PCNX2: variants seen among roughly 807,000 people sequenced by gnomAD.
PCNX2 encodes the protein pecanex 2.
Under a neutral mutation model 223.8 loss-of-function variants are expected in PCNX2, and 168 were observed. That is an observed-to-expected ratio of 0.75 (90% CI 0.66 to 0.85). The LOEUF (loss-of-function observed/expected upper bound fraction) is 0.85. Among genes scored for constraint, PCNX2 ranks in the 40% least tolerant of loss-of-function variants. The pLI is 0.00. For synonymous variants in PCNX2, 1,006 were observed against 1,052.6 expected, an observed-to-expected ratio of 0.96 and a Z score of 0.86; for missense variants, 2,507 against 2,675.5, an observed-to-expected ratio of 0.94 and a Z score of 1.39.
intron 1 of PCNX2, among the ~76,000 whole-genome samples, chr1:233,275,716 C>T (rs967963697): frequency 6.6e-6 from 1 of 152,022 alleles, no homozygotes; most frequent in African/African-American, 2.4e-5. Context: ...CCCCCATGTA[C>T]ATAGCAGCAT....
intron 10 of PCNX2, among the ~76,000 whole-genome samples, chr1:233,223,499 G>GT (rs1487427516): frequency 6.6e-6 from 1 of 152,122 alleles, no homozygotes; most frequent in Non-Finnish European, 1.5e-5. Context: ...GAACGTGCAG[G>GT]TTTTTTACAT....
At chr1:233,233,670 G>A (rs923269104) in intron 9 of PCNX2, among the ~76,000 whole-genome samples, 1 of 152,034 alleles carries the variant, frequency 6.6e-6, no homozygotes, top group East Asian at 1.9e-4. Context: ...AGAGCTTGCA[G>A]AACATTGCGG....
intron 21 of PCNX2, among the ~76,000 whole-genome samples, chr1:233,129,132 T>G (rs151135377): frequency 1.4e-5 from 2 of 143,878 alleles, no homozygotes; most frequent in African/African-American, 5.1e-5. Flanking sequence ...GGGAGAGGCG[T>G]GGGCGGGAAC....
intron 25 of PCNX2, among the ~76,000 whole-genome samples, chr1:233,035,213 G>A (rs1233854948): frequency 3.9e-5 from 6 of 152,106 alleles, no homozygotes; most frequent in Non-Finnish European, 7.4e-5. Flanking sequence ...AAGTCGAAAC[G>A]CACAACACAT....
intron 23 of PCNX2, among the ~76,000 whole-genome samples, chr1:233,074,594 C>CAAA (rs531631109): frequency 0.031 from 1,500 of 47,660 alleles, 138 homozygotes; most frequent in East Asian, 0.067. Flanking sequence ...GACTCCGTCT[C>CAAA]AAAAAAAAAA....
At chr1:232,986,634 A>G (rs1463796338) in intron 32 of PCNX2, 94 bp from the exon 33 acceptor site, 7 of 1,211,010 alleles carry the variant, frequency 5.8e-6, no homozygotes, top group Non-Finnish European at 7.8e-6. Context: ...GCCTGGGCCC[A>G]AGGACCCCTC....
intron 12 of PCNX2, among the ~76,000 whole-genome samples, chr1:233,216,860 T>C (rs1656965961): frequency 1.3e-5 from 2 of 152,210 alleles, no homozygotes; most frequent in South Asian, 2.1e-4. Context: ...ATATATATAA[T>C]AGGAATATCA....
chr1:233,050,761 C>T (rs1671975774), intron 25 of PCNX2, among the ~76,000 whole-genome samples: 1 of 151,902 alleles, frequency 6.6e-6, no homozygotes. Flanking sequence ...GGACATGGGC[C>T]TTAGGAAAGA....
the PCNX2 span, among the ~76,000 whole-genome samples, chr1:233,321,639 GA>G: frequency 6.6e-6 from 1 of 152,158 alleles, no homozygotes; most frequent in African/African-American, 2.4e-5. Flanking sequence ...TGGGTGTGCA[GA>G]AATGCTTTAT....
intron 23 of PCNX2, among the ~76,000 whole-genome samples, chr1:233,060,595 G>A (rs1672370512): frequency 1.3e-5 from 2 of 152,156 alleles, no homozygotes; most frequent in African/African-American, 2.4e-5. Flanking sequence ...TGTAAATTTG[G>A]TGCTTACCCC....
chr1:233,175,619 A>G (rs891048253), intron 17 of PCNX2, among the ~76,000 whole-genome samples: 2 of 152,158 alleles, frequency 1.3e-5, no homozygotes, highest in African/African-American at 4.8e-5. Flanking sequence ...TAGGAATGTC[A>G]GTTTGACCTT....
At chr1:233,172,739 C>T (rs1247298854) in intron 17 of PCNX2, among the ~76,000 whole-genome samples, 1 of 152,176 alleles carries the variant, frequency 6.6e-6, no homozygotes, top group Non-Finnish European at 1.5e-5. Context: ...AGATTTTAAG[C>T]TGATAATTCC....
the PCNX2 span, among the ~76,000 whole-genome samples, chr1:233,322,910 C>A: frequency 6.6e-6 from 1 of 152,058 alleles, no homozygotes; most frequent in Admixed American, 6.5e-5. Flanking sequence ...GGTTCTCTCC[C>A]GTTCCATCTT....
In PCNX2 at chr1:233,258,830, G is replaced by A. The variant is rs1659887109; in HGVS notation, c.1032C>T (p.His344=). Reference sequence around the variant, plus strand: ...CACTATCTGAGGAGTCCACTTCCTGGTGCAAGGGCAGGTCCCCCTGGCAGG... The same window carrying A: ...CACTATCTGAGGAGTCCACTTCCTGATGCAAGGGCAGGTCCCCCTGGCAGG... The part of the protein sequence containing the change: ...DTSCQGDLPL[H]QEVDSSDSEV... Residue 344 remains histidine (H), a synonymous_variant, in exon 5 of 34, where the codon CAC becomes CAT. Coordinates refer to ENST00000258229, the MANE Select transcript of PCNX2 (RefSeq NM_014801.4). 11 of 1,613,926 alleles carry A rather than the reference G, an allele frequency of 6.8e-6. No homozygotes were observed. Among genetic ancestry groups the A allele is most frequent in the Non-Finnish European group, 9.3e-6 (11 of 1,179,880 alleles).
chr1:232,999,645 G>T (rs1670008558), intron 30 of PCNX2: 2 of 369,894 alleles, frequency 5.4e-6, no homozygotes, highest in Non-Finnish European at 9.8e-6. Context: ...GTAGAGACGG[G>T]GTTTCTCCGT....
intron 17 of PCNX2, among the ~76,000 whole-genome samples, chr1:233,164,131 T>C (rs1346151864): frequency 6.6e-6 from 1 of 152,188 alleles, no homozygotes; most frequent in Non-Finnish European, 1.5e-5. Flanking sequence ...AATTAAAAAC[T>C]GGGCAAAGGA....
At chr1:233,263,772 T>C (rs1660186480) in intron 1 of PCNX2, among the ~76,000 whole-genome samples, 1 of 152,120 alleles carries the variant, frequency 6.6e-6, no homozygotes, top group South Asian at 2.1e-4. Flanking sequence ...TTTGATAAGC[T>C]CTTATCTATG....
At chr1:233,015,568 G>A (rs904302018) in intron 27 of PCNX2, among the ~76,000 whole-genome samples, 11 of 152,132 alleles carry the variant, frequency 7.2e-5, no homozygotes, top group Admixed American at 5.2e-4. Context: ...GCATGGTGGT[G>A]TGCACCTCCA....
rs575093364 is a variant in PCNX2, at chr1:233,097,343, A to C, written c.3838-1480T>G. ...AACAGGGAAGATAAAGGGAGGATTA[A>C]AAAAAAAAAGCAAAGAAATGAAAAA... On this transcript the variant is annotated intron_variant, in intron 21 of 33. Coordinates refer to ENST00000258229, the MANE Select transcript of PCNX2 (RefSeq NM_014801.4). 7.8e-3 allele frequency among the ~76,000 whole-genome samples: 859 copies of C among 109,986 alleles called. 2 individuals are homozygous for C. The highest frequency in any genetic ancestry group is 0.033 in the Middle Eastern group (7 of 210). The allele number at this position is 109,986 out of a possible 152,430, so 72.2% of individuals were successfully genotyped here.
Sources: allele counts gnomAD v4.1 joint callset (sites outside exome capture counted in the v4.1 genomes callset), GRCh38; gene constraint gnomAD v4.1.1; transcripts MANE v1.5; gene names NCBI Gene and HGNC (gene_info 2026-07-23, HGNC 2026-07-21).